The following CTNNA3 variants were observed in gnomAD, a reference collection of about 807,000 sequenced individuals.
CTNNA3 encodes the protein catenin alpha-3.
In CTNNA3, 76 loss-of-function variants were observed where a neutral mutation model predicts 95.7. The ratio of observed to expected loss-of-function variants is 0.79; its 90% CI spans 0.66 to 0.96. CTNNA3 has a LOEUF of 0.96. Ranked by LOEUF, CTNNA3 falls within the 40% of genes least tolerant of loss-of-function variation. The pLI is 0.00. For synonymous variants in CTNNA3, 431 were observed against 374.4 expected (o/e 1.15, Z -1.74); for missense variants, 1,191 against 1,089.8 (o/e 1.09, Z -1.31).
At chr10:66,083,007 C>T (rs2080823217) in intron 14 of CTNNA3, among the ~76,000 whole-genome samples, 1 of 148,608 alleles carries the variant, frequency 6.7e-6, no homozygotes, top group African/African-American at 2.5e-5. Flanking sequence ...GAAAAAGAGT[C>T]CCTTCCCTAA....
At chr10:67,335,287 C>T (rs2132596007) in intron 5 of CTNNA3, among the ~76,000 whole-genome samples, 1 of 152,258 alleles carries the variant, frequency 6.6e-6, no homozygotes, top group African/African-American at 2.4e-5. Flanking sequence ...TGGTTCCTGC[C>T]TTGCACCCTG....
At chr10:66,791,189 C>T (rs1410193300) in intron 7 of CTNNA3, among the ~76,000 whole-genome samples, 2 of 152,174 alleles carry the variant, frequency 1.3e-5, no homozygotes, top group Admixed American at 6.5e-5. Flanking sequence ...GTTTAAAACT[C>T]CATTTAAAAC....
intron 7 of CTNNA3, among the ~76,000 whole-genome samples, chr10:66,940,113 T>G (rs1456596676): frequency 1.3e-5 from 2 of 152,136 alleles, no homozygotes; most frequent in African/African-American, 2.4e-5. Context: ...TGGTCCAACT[T>G]AGGTAGAGAA....
At chr10:66,530,995 T>C (rs1841447759) in intron 10 of CTNNA3, among the ~76,000 whole-genome samples, 1 of 152,096 alleles carries the variant, frequency 6.6e-6, no homozygotes. Flanking sequence ...CTATTTCGGT[T>C]ATGGAAAATG....
At chr10:66,141,110 T>C (rs1009075290) in intron 13 of CTNNA3, among the ~76,000 whole-genome samples, 1 of 151,804 alleles carries the variant, frequency 6.6e-6, no homozygotes, top group African/African-American at 2.4e-5. Flanking sequence ...AAAACAAAAA[T>C]TAGCCTGGCA....
chr10:66,394,550 TAAAAAAA>T (rs71035137), intron 11 of CTNNA3, among the ~76,000 whole-genome samples: 5 of 128,162 alleles, frequency 3.9e-5, no homozygotes, highest in East Asian at 2.2e-4. Context: ...AGCACTGGGT[TAAAAAAA>T]AAAAAAAAAA....
chr10:67,587,368 G>A (rs1842667052), intron 3 of CTNNA3, among the ~76,000 whole-genome samples: 1 of 151,916 alleles, frequency 6.6e-6, no homozygotes, highest in Admixed American at 6.6e-5. Context: ...CCTAAGTTCA[G>A]GATTCCCTTG....
At chr10:66,634,572 G>GGTGTGTGTGT (rs59187647) in intron 9 of CTNNA3, among the ~76,000 whole-genome samples, 3,274 of 146,146 alleles carry the variant, frequency 0.022, 106 homozygotes, top group African/African-American at 0.059. Flanking sequence ...CTCTGTGCAT[G>GGTGTGTGTGT]GTGTGTGTGT....
chr10:67,403,052 G>A (rs1844984966), intron 5 of CTNNA3, among the ~76,000 whole-genome samples: 1 of 152,230 alleles, frequency 6.6e-6, no homozygotes, highest in South Asian at 2.1e-4. Flanking sequence ...GGAGCTGCCA[G>A]GGAAAGGGGT....
intron 17 of CTNNA3, among the ~76,000 whole-genome samples, chr10:65,957,945 G>T (rs1315750955): frequency 6.6e-6 from 1 of 152,098 alleles, no homozygotes; most frequent in Non-Finnish European, 1.5e-5. Flanking sequence ...TGCTAGGTTG[G>T]GGAAGTTCAC....
chr10:67,075,261 A>G (rs914708684), intron 7 of CTNNA3, among the ~76,000 whole-genome samples: 5 of 152,176 alleles, frequency 3.3e-5, no homozygotes, highest in African/African-American at 1.2e-4. Flanking sequence ...GAAATCTTAA[A>G]TTAAAAAAAA....
intron 17 of CTNNA3, among the ~76,000 whole-genome samples, chr10:65,922,679 A>G (rs1336544641): frequency 1.3e-5 from 2 of 152,156 alleles, no homozygotes; most frequent in East Asian, 3.8e-4. Context: ...AATTAAGTCA[A>G]TTTGTTTGCT....
intron 13 of CTNNA3, among the ~76,000 whole-genome samples, chr10:66,168,348 C>A (rs1419886026): frequency 3.8e-5 from 3 of 79,146 alleles, no homozygotes; most frequent in Admixed American, 1.6e-4. Flanking sequence ...GTTAAGGTAT[C>A]CATTTATTAT....
At chr10:67,238,696 G>A (rs898762325) in intron 5 of CTNNA3, among the ~76,000 whole-genome samples, 11 of 151,784 alleles carry the variant, frequency 7.2e-5, no homozygotes, top group Admixed American at 4.6e-4. Flanking sequence ...AATCATGAAC[G>A]AACTTGATAA....
At chr10:67,098,007 T>C in intron 7 of CTNNA3, 1 of 574,068 alleles carries the variant, frequency 1.7e-6, no homozygotes, top group South Asian at 2.1e-5. Context: ...GTGCAGTATT[T>C]TTTGACTTAA....
At chr10:66,214,815 T>A (rs1328081294) in intron 13 of CTNNA3, among the ~76,000 whole-genome samples, 1 of 152,024 alleles carries the variant, frequency 6.6e-6, no homozygotes, top group Non-Finnish European at 1.5e-5. Context: ...ATGGGCATAA[T>A]CCCCATTGAA....
At chr10:66,777,579 A>G (rs1840354268) in intron 7 of CTNNA3, among the ~76,000 whole-genome samples, 1 of 152,102 alleles carries the variant, frequency 6.6e-6, no homozygotes, top group Non-Finnish European at 1.5e-5. Flanking sequence ...ACTCATGACT[A>G]TACAGGACAA....
intron 11 of CTNNA3, among the ~76,000 whole-genome samples, chr10:66,403,119 G>A (rs2093032824): frequency 1.3e-5 from 2 of 152,090 alleles, no homozygotes; most frequent in African/African-American, 4.8e-5. Flanking sequence ...TAACCTCCAT[G>A]TATTATTTAT....
intron 16 of CTNNA3, among the ~76,000 whole-genome samples, chr10:65,988,384 TCAA>T: frequency 6.6e-6 from 1 of 152,020 alleles, no homozygotes; most frequent in East Asian, 1.9e-4. Context: ...ATATAATGTA[TCAA>T]CAACAACAAA....
Sources: gnomAD v4.1 joint callset for allele counts (sites outside exome capture counted in the v4.1 genomes callset) on GRCh38, gnomAD v4.1.1 for gene constraint, MANE v1.5 for transcripts, NCBI Gene and HGNC (gene_info 2026-07-23, HGNC 2026-07-21) for gene names.